The following UNC5C variants were observed in gnomAD, a reference collection of about 807,000 sequenced individuals.
UNC5C encodes unc-5 netrin receptor C, also known as netrin receptor UNC5C.
UNC5C carries 47 observed loss-of-function variants against 99.8 expected under a neutral mutation model. That is an observed-to-expected ratio of 0.47 (90% CI 0.37 to 0.60). UNC5C has a LOEUF of 0.60. UNC5C is among the 20% of genes least tolerant of loss of function. The pLI, the probability that UNC5C is intolerant of heterozygous loss-of-function variation, is 0.00. For synonymous variants in UNC5C, 487 were observed against 452.2 expected (o/e 1.08, Z -0.98); for missense variants, 1,062 against 1,165.9 (o/e 0.91, Z 1.30).
At chr4:95,509,928 A>C (rs921370158) in intron 1 of UNC5C, among the ~76,000 whole-genome samples, 5 of 151,924 alleles carry the variant, frequency 3.3e-5, no homozygotes, top group Admixed American at 2.0e-4. Context: ...TCACGTCGAT[A>C]ATTACAATAT....
At chr4:95,332,534 C>T (rs1262667828) in intron 2 of UNC5C, among the ~76,000 whole-genome samples, 1 of 151,668 alleles carries the variant, frequency 6.6e-6, no homozygotes, top group Non-Finnish European at 1.5e-5. Flanking sequence ...AAAGCTGAAA[C>T]TGGATCCCTT....
chr4:95,355,618 C>G (rs945818002), intron 1 of UNC5C, among the ~76,000 whole-genome samples: 1 of 151,978 alleles, frequency 6.6e-6, no homozygotes, highest in Non-Finnish European at 1.5e-5. Context: ...CCCACCCCCC[C>G]AGCATGAAAC....
At chr4:95,481,715 G>A (rs1353411663) in intron 1 of UNC5C, among the ~76,000 whole-genome samples, 4 of 151,994 alleles carry the variant, frequency 2.6e-5, no homozygotes, top group Admixed American at 6.6e-5. Context: ...CATATCTACA[G>A]CTATCTGATC....
intron 1 of UNC5C, among the ~76,000 whole-genome samples, chr4:95,455,033 A>C (rs112974106): frequency 2.6e-5 from 4 of 152,250 alleles, no homozygotes; most frequent in African/African-American, 7.2e-5. Flanking sequence ...CTGCTCTCTT[A>C]ATGTTACATT....
In UNC5C at chr4:95,233,640, G is replaced by T. The variant is rs7436758; in HGVS notation, c.1108+8789C>A. Among the ~76,000 whole-genome samples the T allele has an allele frequency of 4.3e-4, 66 of 152,218 alleles. No individual in the cohort carries two copies. In the South Asian group the frequency reaches 8.1e-3, roughly 19 times the overall value. ...GATCTTACTAAAAATTCATTATAAA[G>T]ATTATAAAAGTTAGGCCCCATGTGG... is the stretch of plus-strand genomic sequence containing the variant. On this transcript the variant is annotated intron_variant, in intron 7 of 15. Transcript: ENST00000453304.
intron 4 of UNC5C, among the ~76,000 whole-genome samples, chr4:95,275,826 TCATTGAACATATTTTGCCTG>T (rs992465737): frequency 6.6e-6 from 1 of 152,226 alleles, no homozygotes; most frequent in African/African-American, 2.4e-5. Flanking sequence ...AGCCATATGT[TCATTGAACATATTTTGCCTG>T]ACTCTTTCTT....
intron 7 of UNC5C, among the ~76,000 whole-genome samples, chr4:95,233,951 G>T (rs1459722443): frequency 2.6e-5 from 4 of 151,904 alleles, no homozygotes; most frequent in African/African-American, 9.7e-5. Flanking sequence ...AAAAAAAAAG[G>T]AAAGAAAAGA....
At chr4:95,212,002 GAT>G (rs779633319) in intron 10 of UNC5C, among the ~76,000 whole-genome samples, 31 of 152,256 alleles carry the variant, frequency 2.0e-4, no homozygotes, top group Middle Eastern at 3.4e-3. Flanking sequence ...AAAGGAGAAA[GAT>G]CACTGTGTTT....
intron 7 of UNC5C, among the ~76,000 whole-genome samples, chr4:95,227,714 A>T (rs1437449771): frequency 6.6e-6 from 1 of 152,202 alleles, no homozygotes; most frequent in Non-Finnish European, 1.5e-5. Flanking sequence ...AGAGTCTCAA[A>T]GGTGAGAAAG....
At chr4:95,408,885 T>C (rs1158297576) in intron 1 of UNC5C, among the ~76,000 whole-genome samples, 2 of 152,154 alleles carry the variant, frequency 1.3e-5, no homozygotes, top group Non-Finnish European at 2.9e-5. Context: ...GGGTTGAGAA[T>C]AATACCCCCT....
At position 95,311,295 on chromosome 4, in the gene UNC5C, A is replaced by T. The variant is rs141826690; in HGVS notation, c.347-9546T>A. 6.8e-3 allele frequency among the ~76,000 whole-genome samples: 1,018 copies of T among 148,772 alleles called. 13 individuals are homozygous for T. The highest frequency in any genetic ancestry group is 0.024 in the African/African-American group (969 of 40,850). ...TGTGTGTCAATATTCTTTGGAATAT[A>T]AAAAAAACAATTTTGTGAATACATG... On this transcript the variant is annotated intron_variant, in intron 2 of 15. Coordinates refer to ENST00000453304, the MANE Select transcript of UNC5C (RefSeq NM_003728.4).
intron 1 of UNC5C, among the ~76,000 whole-genome samples, chr4:95,407,375 C>A (rs1022003447): frequency 1.3e-5 from 2 of 151,744 alleles, no homozygotes; most frequent in African/African-American, 4.8e-5. Context: ...GAATTTCAAG[C>A]GGGAGGGTGT....
intron 4 of UNC5C, among the ~76,000 whole-genome samples, chr4:95,253,761 C>G (rs1739845947): frequency 6.6e-6 from 1 of 152,148 alleles, no homozygotes; most frequent in African/African-American, 2.4e-5. Flanking sequence ...AGCCATATCA[C>G]AGCACTCTGC....
At chr4:95,379,485 C>T (rs1457125713) in intron 1 of UNC5C, among the ~76,000 whole-genome samples, 1 of 152,122 alleles carries the variant, frequency 6.6e-6, no homozygotes, top group Non-Finnish European at 1.5e-5. Context: ...GAATCTTTCC[C>T]ATTTCTACCA....
intron 1 of UNC5C, among the ~76,000 whole-genome samples, chr4:95,363,933 C>G (rs1018718825): frequency 6.6e-6 from 1 of 152,126 alleles, no homozygotes; most frequent in Non-Finnish European, 1.5e-5. Context: ...CAATTGAAAA[C>G]CTCATTTGAA....
At chr4:95,482,837 C>T (rs1428552207) in intron 1 of UNC5C, among the ~76,000 whole-genome samples, 4 of 120,368 alleles carry the variant, frequency 3.3e-5, no homozygotes, top group Non-Finnish European at 5.0e-5. Context: ...GGAAGGGGAA[C>T]ATCACACTCG....
At position 95,179,155 on chromosome 4, in the gene UNC5C, CA is replaced by C. The variant is rs775639163; in HGVS notation, c.2451+3741del. On this transcript the variant is annotated intron_variant, in intron 14 of 15. Transcript: ENST00000453304. ...AACAGCTGCTATGGGTGATGACACA[CA>C]TATTCAGGACTCCACAGTCCTGAAA... Among the ~76,000 whole-genome samples, 8 of 152,286 alleles carry C rather than the reference CA, an allele frequency of 5.3e-5. No homozygotes were observed. In the South Asian group the frequency reaches 1.7e-3, roughly 32 times the overall value.
In UNC5C at chr4:95,168,587, G is replaced by T. The variant is rs549931698; in HGVS notation, c.*647C>A. ...AGGGCACCAGAAGGGTCCCTCCAAG[G>T]AATAGGAGTCTTAGTTATTTCTTTT... On this transcript the variant is annotated 3_prime_UTR_variant, in exon 16 of 16. Transcript: ENST00000453304. 1 of 152,706 alleles carries T rather than the reference G, an allele frequency of 6.5e-6. No individual in the cohort carries two copies. The highest frequency in any genetic ancestry group is 2.1e-4 in the South Asian group (1 of 4,824). The allele number at this position is 152,706 out of a possible 1,614,324, so 9.5% of individuals were successfully genotyped here.
intron 1 of UNC5C, among the ~76,000 whole-genome samples, chr4:95,543,966 T>G (rs1361789687): frequency 6.6e-6 from 1 of 152,188 alleles, no homozygotes; most frequent in Non-Finnish European, 1.5e-5. Flanking sequence ...TTTCTTGCTT[T>G]TGGGGAAGCA....
Sources: allele counts gnomAD v4.1 joint callset (sites outside exome capture counted in the v4.1 genomes callset), GRCh38; gene constraint gnomAD v4.1.1; transcripts MANE v1.5; gene names NCBI Gene and HGNC (gene_info 2026-07-23, HGNC 2026-07-21).